GGT7: variants seen among roughly 807,000 people sequenced by gnomAD.
GGT7 encodes gamma-glutamyltransferase 7, also known as glutathione hydrolase 7.
GGT7 carries 30 observed loss-of-function variants against 69.2 expected under a neutral mutation model. That is an observed-to-expected ratio of 0.43 (90% CI 0.32 to 0.59). GGT7 has a LOEUF of 0.59. GGT7 is among the 20% of genes least tolerant of loss of function. GGT7 has a pLI of 0.05. For synonymous variants in GGT7, 388 were observed against 391.8 expected, an observed-to-expected ratio of 0.99 and a Z score of 0.12; for missense variants, 733 against 901.1, an observed-to-expected ratio of 0.81 and a Z score of 2.39.
chr20:34,845,411 G>A lies in GGT7; in HGVS notation c.1906C>T (p.His636Tyr), dbSNP rs1442664502. ...AAGTTGTTGGTCCTTCGGCTGCCAT[G>A]GACCCAGGATAAGACATCTACTTTC... ...VEKVDVLSWV[H>Y]GSRRTNNFII... Residue 636 changes from histidine (H) to tyrosine (Y), a missense_variant, in exon 15 of 15, where the codon CAT becomes TAT. Coordinates refer to ENST00000336431, the MANE Select transcript of GGT7 (RefSeq NM_178026.3). The A allele has an allele frequency of 6.2e-7, 1 of 1,614,000 alleles. No individual in the cohort carries two copies. Among genetic ancestry groups the A allele is most frequent in the Non-Finnish European group, 8.5e-7 (1 of 1,179,980 alleles).
intron 8 of GGT7, among the ~76,000 whole-genome samples, chr20:34,856,109 T>C (rs2079487952): frequency 6.6e-6 from 1 of 152,174 alleles, no homozygotes; most frequent in Non-Finnish European, 1.5e-5. Context: ...CTCTTTCCAT[T>C]GCTTCATATT....
chr20:34,863,119 T>A lies in GGT7; in HGVS notation c.406-154A>T, dbSNP rs1601240943. Among the ~76,000 whole-genome samples the A allele has an allele frequency of 6.6e-6, 1 of 152,140 alleles. No homozygotes were observed. The highest frequency in any genetic ancestry group is 1.5e-5 in the Non-Finnish European group (1 of 68,020). ...CCTCATTACCCCAAGTGCCTCCTAATGGATCTGTCCTTATTCTTCCTTGTT... is the reference window on the plus strand; with the variant it reads ...CCTCATTACCCCAAGTGCCTCCTAAAGGATCTGTCCTTATTCTTCCTTGTT... On this transcript the variant is annotated intron_variant, in intron 2 of 14. Coordinates refer to ENST00000336431, the MANE Select transcript of GGT7 (RefSeq NM_178026.3). The surrounding 1 kb of genome is among the most constrained non-coding windows in gnomAD (Gnocchi z 4.4).
At chr20:34,857,010 C>A (rs2079504908) in intron 7 of GGT7, 117 bp from the exon 8 acceptor site, 1 of 719,036 alleles carries the variant, frequency 1.4e-6, no homozygotes, top group Admixed American at 2.0e-5. Flanking sequence ...CCTTCTGCAA[C>A]CCCCATCGTG....
chr20:34,862,231 G>A (rs565897687), intron 3 of GGT7, among the ~76,000 whole-genome samples: 1 of 152,316 alleles, frequency 6.6e-6, no homozygotes, highest in Admixed American at 6.5e-5. Context: ...TCAGCCATGT[G>A]AGAATGCGGG....
At chr20:34,846,359 A>C (rs936751989) in intron 14 of GGT7, among the ~76,000 whole-genome samples, 1 of 145,490 alleles carries the variant, frequency 6.9e-6, no homozygotes, top group Non-Finnish European at 1.5e-5. Flanking sequence ...GCTGGAGTGC[A>C]ATGGCACGAT....
intron 6 of GGT7, 95 bp from the exon 7 acceptor site, chr20:34,859,734 C>T (rs1291450305): frequency 3.8e-6 from 4 of 1,058,460 alleles, no homozygotes; most frequent in Non-Finnish European, 5.4e-6. Flanking sequence ...CTGAGTGGCC[C>T]ACCCTAAGTG....
intron 3 of GGT7, among the ~76,000 whole-genome samples, chr20:34,862,417 A>C (rs2079612451): frequency 6.6e-6 from 1 of 151,956 alleles, no homozygotes; most frequent in Admixed American, 6.6e-5. Flanking sequence ...AACTTCTAAG[A>C]GTTCTTAGTG....
At chr20:34,869,145 A>AAAATAAAT (rs1300410526) in intron 1 of GGT7, among the ~76,000 whole-genome samples, 1 of 150,578 alleles carries the variant, frequency 6.6e-6, no homozygotes, top group Non-Finnish European at 1.5e-5. Flanking sequence ...GAGAATCACT[A>AAAATAAAT]AAATAAATAA....
chr20:34,858,290 GAGAGAA>G (rs1182947015), intron 7 of GGT7, among the ~76,000 whole-genome samples: 1 of 152,204 alleles, frequency 6.6e-6, no homozygotes, highest in Non-Finnish European at 1.5e-5. Flanking sequence ...AGTTGAGAGA[GAGAGAA>G]AGAGAAAGAG....
intron 8 of GGT7, among the ~76,000 whole-genome samples, chr20:34,855,479 C>G (rs1037522544): frequency 6.6e-6 from 1 of 152,140 alleles, no homozygotes; most frequent in African/African-American, 2.4e-5. Context: ...TTTGATAGGT[C>G]CAGAAACTGT....
intron 14 of GGT7, among the ~76,000 whole-genome samples, chr20:34,845,923 G>C (rs1179631503): frequency 1.3e-5 from 2 of 151,990 alleles, no homozygotes; most frequent in Non-Finnish European, 2.9e-5. Flanking sequence ...AGCTGAGCGT[G>C]GTGGTACATG....
chr20:34,845,577 T>C, intron 14 of GGT7, 86 bp from the exon 15 acceptor site: 1 of 1,161,780 alleles, frequency 8.6e-7, no homozygotes, highest in Non-Finnish European at 1.3e-6. Flanking sequence ...GTCCTCATCC[T>C]GGCTGCTCCA....
rs184470412 is a variant in GGT7, at chr20:34,865,155, C to A, written c.170-1607G>T. Among the ~76,000 whole-genome samples the A allele has an allele frequency of 4.0e-5, 6 of 151,828 alleles. No homozygotes were observed. In the East Asian group the frequency reaches 1.2e-3, roughly 30 times the overall value. The stretch of plus-strand genomic sequence containing the variant: ...GAGAGTTTTAAGCAAGAATGTGAAA[C>A]CATCTGTTCTGTGTGTTATTGTTGT... On this transcript the variant is annotated intron_variant, in intron 1 of 14. Transcript: ENST00000336431.
rs142398186 is a variant in GGT7, at chr20:34,861,377, G to T, written c.675+68C>A. On this transcript the variant is annotated intron_variant, in intron 4 of 14. Transcript: ENST00000336431. ...CCTGGTAAATACTTAGCAAATTAAT[G>T]CTTGGGTTAGCAGAAGGGCAATGAA... is the stretch of plus-strand genomic sequence containing the variant. 8.6e-6 allele frequency: 6 copies of T among 698,608 alleles called. No homozygotes were observed. The East Asian group carries it at 1.2e-4, about 14-fold the overall frequency. 43.3% of individuals were successfully genotyped at this position (698,608 alleles called of 1,614,324 possible). A position where few individuals can be genotyped will look rare whatever the true frequency, so the allele number is the denominator to read the frequency against.
chr20:34,849,997 G>A lies in GGT7; in HGVS notation c.1789C>T (p.His597Tyr), dbSNP rs1386373696. 6.2e-7 allele frequency: 1 copy of A among 1,613,736 alleles called. No homozygotes were observed. The highest frequency in any genetic ancestry group is 1.3e-5 in the African/African-American group (1 of 75,048). ...LSDSLARGRL[H>Y]PDLQSNLLQV... ...AGGAGGTTGGACTGCAGGTCCGGGT[G>A]TAGGCGGCCGCGGGCCAGGCTGTCA... Residue 597 changes from histidine to tyrosine, a missense_variant, in exon 14 of 15, where the codon CAC (histidine) becomes TAC (tyrosine). Coordinates refer to ENST00000336431, the MANE Select transcript of GGT7 (RefSeq NM_178026.3).
intron 4 of GGT7, among the ~76,000 whole-genome samples, chr20:34,860,758 G>C (rs1466799593): frequency 6.7e-6 from 1 of 148,694 alleles, no homozygotes; most frequent in South Asian, 2.2e-4. Flanking sequence ...GCATGCTACT[G>C]TGCCTGGCTA....
chr20:34,860,041 G>T lies in GGT7; in HGVS notation c.745C>A (p.Leu249Met). 1 of 1,556,328 alleles carries T rather than the reference G, an allele frequency of 6.4e-7. No individual in the cohort carries two copies. Among genetic ancestry groups the T allele is most frequent in the Non-Finnish European group, 8.7e-7 (1 of 1,147,068 alleles). ...AAGGCCAGGACTTGGGACCATGGCA[G>T]CCTGGGGGGGCCGGAGAGCAGGGGG... ...LHEAHQLYGR[L>M]PWSQVLAFAA... is the part of the protein sequence containing the mutation. Residue 249 changes from leucine (L) to methionine (M), a missense_variant and splice_region_variant, in exon 6 of 15, where the codon CTG becomes ATG. Physicochemically the swap from Leu to Met is conservative, Grantham distance 15. Coordinates refer to ENST00000336431, the MANE Select transcript of GGT7 (RefSeq NM_178026.3).
intron 5 of GGT7, 70 bp from the exon 6 acceptor site, chr20:34,860,112 G>GTGGGGGGGGGGGGGGA (rs2079565309): frequency 1.2e-6 from 1 of 863,524 alleles, no homozygotes. Flanking sequence ...GGGGAGGGGG[G>GTGGGGGGGGGGGGGGA]TTCCTGGGAA....
rs181170374 is a variant in GGT7 at position 34,848,995 on chromosome 20, G to A, written c.1825+966C>T. On this transcript the variant is annotated intron_variant, in intron 14 of 14. Transcript: ENST00000336431. ...TCCGTCTCCTCACCCTAAGGTCCAC[G>A]ATCCGGCGCCTGCCTGCCTCTCTGA... is the stretch of plus-strand genomic sequence containing the variant. 4.3e-3 allele frequency among the ~76,000 whole-genome samples: 652 copies of A among 152,104 alleles called. 17 individuals are homozygous for A. The highest frequency in any genetic ancestry group is 0.015 in the African/African-American group (616 of 41,438).
Sources: gnomAD v4.1 joint callset for allele counts (sites outside exome capture counted in the v4.1 genomes callset) on GRCh38, gnomAD v4.1.1 for gene constraint, Gnocchi (gnomAD v3.1) non-coding constraint, MANE v1.5 for transcripts, NCBI Gene and HGNC (gene_info 2026-07-23, HGNC 2026-07-21) for gene names.